ACO2: variants seen among roughly 807,000 people sequenced by gnomAD.
The protein encoded by ACO2 is aconitase 2, also known as aconitate hydratase, mitochondrial.
In ACO2, 31 loss-of-function variants were observed where a neutral mutation model predicts 84.5. The ratio of observed to expected loss-of-function variants is 0.37; its 90% CI spans 0.28 to 0.50. ACO2 has a LOEUF of 0.50. ACO2 is among the 20% of genes least tolerant of loss of function. The pLI, the probability that ACO2 is intolerant of heterozygous loss-of-function variation, is 0.97. For synonymous variants in ACO2, 414 were observed against 412.7 expected (o/e 1.00, Z -0.04); for missense variants, 685 against 1,029.3 (o/e 0.67, Z 4.58).
chr22:41,524,171 A>T (rs548546282), intron 12 of ACO2, among the ~76,000 whole-genome samples: 54 of 152,256 alleles, frequency 3.5e-4, no homozygotes, highest in Admixed American at 5.9e-4. Flanking sequence ...GGAATTTGGA[A>T]TCTCACTCAC....
intron 1 of ACO2, among the ~76,000 whole-genome samples, chr22:41,488,393 T>C (rs1165557052): frequency 1.3e-5 from 2 of 152,232 alleles, no homozygotes; most frequent in African/African-American, 4.8e-5. Flanking sequence ...ATTATTTTGT[T>C]AATGTGCCTT....
At position 41,522,869 on chromosome 22, in the gene ACO2, T is replaced by C. The variant is rs547526146; in HGVS notation, c.1178T>C (p.Met393Thr). The C allele has an allele frequency of 2.5e-6, 4 of 1,614,212 alleles. No individual in the cohort carries two copies. The highest frequency in any genetic ancestry group is 1.7e-5 in the Admixed American group (1 of 60,034). ...TGCACCAATTCAAGCTATGAAGATA[T>C]GGGGCGCTCAGCAGCTGTGGCCAAG... ...GSCTNSSYED[M>T]GRSAAVAKQA... The change falls in exon 10 of 18, where the codon ATG becomes ACG. Residue 393 changes from methionine (M) to threonine (T), a missense_variant. This residue lies in a region of ACO2 where 311 missense variants were observed against 441.6 expected (regional missense o/e 0.70). Transcript: ENST00000216254.
At chr22:41,481,946 G>C (rs1218599283) in intron 1 of ACO2, among the ~76,000 whole-genome samples, 4 of 152,164 alleles carry the variant, frequency 2.6e-5, no homozygotes, top group Non-Finnish European at 5.9e-5. Context: ...CCAAGTCTCT[G>C]TCTTCTCATG....
chr22:41,515,936 C>A lies in ACO2; in HGVS notation c.835+19C>A. The A allele has an allele frequency of 1.2e-6, 2 of 1,609,156 alleles. No individual in the cohort carries two copies. The highest frequency in any genetic ancestry group is 1.7e-6 in the Non-Finnish European group (2 of 1,177,580). Reference sequence around the variant, plus strand: ...TGCACTGGTGAGGAAGGCGGCCAGGCGACGTGGCCCCTACCCTGTGCTGGG... The same window carrying A: ...TGCACTGGTGAGGAAGGCGGCCAGGAGACGTGGCCCCTACCCTGTGCTGGG... On this transcript the variant is annotated intron_variant, in intron 6 of 17. Coordinates refer to ENST00000216254, the MANE Select transcript of ACO2 (RefSeq NM_001098.3). This position sits in a 1 kb window ranked among gnomAD's most constrained non-coding sequence, Gnocchi z 5.8.
At chr22:41,504,811 C>T (rs2066381227) in intron 2 of ACO2, among the ~76,000 whole-genome samples, 2 of 146,900 alleles carry the variant, frequency 1.4e-5, no homozygotes, top group Non-Finnish European at 1.5e-5. Flanking sequence ...GCAGCCTTGA[C>T]CTTCTGGGGT....
At chr22:41,523,180 TTC>T (rs763292122) in intron 10 of ACO2, 23 bp from the exon 11 acceptor site, 74 of 1,602,258 alleles carry the variant, frequency 4.6e-5, no homozygotes, top group Non-Finnish European at 6.2e-5. Flanking sequence ...ACCCTTGACA[TTC>T]TGTCTTCCTC....
chr22:41,524,414 G>C (rs1162181827), intron 12 of ACO2, among the ~76,000 whole-genome samples: 3 of 152,176 alleles, frequency 2.0e-5, no homozygotes, highest in Non-Finnish European at 4.4e-5. Context: ...CTGGCACATG[G>C]CCAGGCTCTC....
intron 1 of ACO2, among the ~76,000 whole-genome samples, chr22:41,485,138 A>G (rs2038136861): frequency 6.6e-6 from 1 of 152,002 alleles, no homozygotes; most frequent in Non-Finnish European, 1.5e-5. Context: ...CAGCCTCCCA[A>G]AGTGCTGGGA....
At chr22:41,509,369 TCAGG>T (rs1251106131) in intron 3 of ACO2, among the ~76,000 whole-genome samples, 1 of 152,126 alleles carries the variant, frequency 6.6e-6, no homozygotes, top group Non-Finnish European at 1.5e-5. Flanking sequence ...TGTGAACAAG[TCAGG>T]CAGGGGCCCT....
chr22:41,495,780 C>T (rs1020359427), intron 1 of ACO2, among the ~76,000 whole-genome samples: 32 of 151,586 alleles, frequency 2.1e-4, no homozygotes, highest in Middle Eastern at 3.4e-3. Context: ...GCCACCACGC[C>T]GTAGTAGAGA....
At chr22:41,527,118 G>C (rs1051956670) in intron 15 of ACO2, 170 bp from the exon 16 acceptor site, 1 of 955,312 alleles carries the variant, frequency 1.0e-6, no homozygotes. Flanking sequence ...TCTCATTCAC[G>C]CAGGCTTCAC....
intron 2 of ACO2, among the ~76,000 whole-genome samples, chr22:41,501,430 T>G (rs1474572286): frequency 1.3e-5 from 2 of 152,158 alleles, no homozygotes; most frequent in Admixed American, 1.3e-4. Flanking sequence ...AAAGGATGAA[T>G]AAGGTACCAC....
At chr22:41,493,250 A>C (rs1033740113) in intron 1 of ACO2, among the ~76,000 whole-genome samples, 2 of 152,206 alleles carry the variant, frequency 1.3e-5, no homozygotes, top group African/African-American at 4.8e-5. Context: ...TGAGTTGCCA[A>C]CACATAAACT....
Position 41,507,992 on chromosome 22 carries a change from C to T in ACO2, c.375C>T (p.His125=). Residue 125 remains histidine, a synonymous_variant, in exon 3 of 18, where the codon CAC becomes CAT. Coordinates refer to ENST00000216254, the MANE Select transcript of ACO2 (RefSeq NM_001098.3). ...LSKVAVPSTI[H]CDHLIEAQVG... is the part of the protein sequence containing the mutation. ...AGGTGGCTGTGCCATCCACCATCCACTGTGACCATCTGATTGAAGCCCAGG... is the reference window on the plus strand; with the variant it reads ...AGGTGGCTGTGCCATCCACCATCCATTGTGACCATCTGATTGAAGCCCAGG... The T allele has an allele frequency of 6.2e-7, 1 of 1,614,096 alleles. No homozygotes were observed. Among genetic ancestry groups the T allele is most frequent in the Non-Finnish European group, 8.5e-7 (1 of 1,179,916 alleles).
intron 1 of ACO2, among the ~76,000 whole-genome samples, chr22:41,470,934 A>G (rs79011): frequency 0.77 from 116,799 of 152,092 alleles, 45,438 homozygotes; most frequent in East Asian, 0.95. Flanking sequence ...AGATTATTTG[A>G]TAAGATAAAT....
intron 9 of ACO2, among the ~76,000 whole-genome samples, chr22:41,520,832 GCTC>G (rs1269030971): frequency 1.4e-5 from 2 of 147,456 alleles, no homozygotes; most frequent in African/African-American, 5.2e-5. Context: ...ACAGAGCGAG[GCTC>G]CGTCTCAGAA....
At chr22:41,496,032 C>A (rs2066310927) in intron 1 of ACO2, among the ~76,000 whole-genome samples, 1 of 151,930 alleles carries the variant, frequency 6.6e-6, no homozygotes, top group Non-Finnish European at 1.5e-5. Context: ...GAGTTGCAGG[C>A]CAGGTGTGGT....
rs750252370 is a variant in ACO2 at position 41,528,855 on chromosome 22, A to G, written c.*242A>G. On this transcript the variant is annotated 3_prime_UTR_variant, in exon 18 of 18. Coordinates refer to ENST00000216254, the MANE Select transcript of ACO2 (RefSeq NM_001098.3). The stretch of plus-strand genomic sequence containing the variant: ...ATCTTAAGCAGCTCCATGCAACTGT[A>G]TTTATTTTTGATGACAAGACTCCCA... 11 of 546,498 alleles carry G rather than the reference A, an allele frequency of 2.0e-5. No individual in the cohort carries two copies. The highest frequency in any genetic ancestry group is 3.9e-5 in the African/African-American group (2 of 51,768). The allele number at this position is 546,498 out of a possible 1,614,324, so 33.9% of individuals were successfully genotyped here.
At chr22:41,493,932 G>A (rs1249847272) in intron 1 of ACO2, among the ~76,000 whole-genome samples, 1 of 152,106 alleles carries the variant, frequency 6.6e-6, no homozygotes. Context: ...GGTGGCACAT[G>A]CCTGTAATCC....
Sources: allele counts gnomAD v4.1 joint callset (sites outside exome capture counted in the v4.1 genomes callset), GRCh38; gene constraint gnomAD v4.1.1; regional missense constraint gnomAD v4.1.1; non-coding constraint Gnocchi (gnomAD v3.1); transcripts MANE v1.5; gene names NCBI Gene and HGNC (gene_info 2026-07-23, HGNC 2026-07-21).